Variants in RAPGEF6 observed in about 807,000 individuals in gnomAD.
RAPGEF6 encodes Rap guanine nucleotide exchange factor 6.
In RAPGEF6, 56 loss-of-function variants were observed where a neutral mutation model predicts 171.4. The observed-to-expected ratio is 0.33, with a 90% CI of 0.26 to 0.41. The LOEUF is 0.41. Ranked by LOEUF, RAPGEF6 falls within the 10% of genes least tolerant of loss-of-function variation. The pLI, the probability that RAPGEF6 is intolerant of heterozygous loss-of-function variation, is 1.00. For missense variants in RAPGEF6, 1,674 were observed against 1,921.4 expected, an observed-to-expected ratio of 0.87 and a Z score of 2.41; for synonymous variants, 692 against 650.1, an observed-to-expected ratio of 1.06 and a Z score of -0.98.
chr5:131,441,321 G>A (rs1000496035), intron 23 of RAPGEF6, among the ~76,000 whole-genome samples: 1 of 152,216 alleles, frequency 6.6e-6, no homozygotes, highest in Non-Finnish European at 1.5e-5. Flanking sequence ...CCTGGCACCA[G>A]TAAGTGCTCT....
intron 24 of RAPGEF6, chr5:131,436,482 G>GA (rs1752013716): frequency 9.2e-7 from 1 of 1,083,974 alleles, no homozygotes; most frequent in Admixed American, 3.0e-5. Flanking sequence ...GATAATATCT[G>GA]AAAAATTGAA....
intron 15 of RAPGEF6, among the ~76,000 whole-genome samples, chr5:131,483,634 T>C (rs1156850037): frequency 2.0e-5 from 3 of 152,160 alleles, no homozygotes; most frequent in African/African-American, 7.2e-5. Flanking sequence ...CACATATGTA[T>C]ATATGCGTTC....
At chr5:131,440,128 T>C (rs1225050407) in intron 23 of RAPGEF6, 1 of 435,204 alleles carries the variant, frequency 2.3e-6, no homozygotes, top group African/African-American at 2.0e-5. Context: ...AGTGTGGGGA[T>C]GTTGGCACTG....
At chr5:131,500,539 G>A (rs184575721) in intron 11 of RAPGEF6, among the ~76,000 whole-genome samples, 2 of 152,242 alleles carry the variant, frequency 1.3e-5, no homozygotes, top group Admixed American at 6.5e-5. Flanking sequence ...TACCTCTTTA[G>A]ACTAAAATCT....
At chr5:131,507,214 A>C (rs1371142679) in intron 9 of RAPGEF6, among the ~76,000 whole-genome samples, 3 of 148,102 alleles carry the variant, frequency 2.0e-5, no homozygotes, top group Non-Finnish European at 3.0e-5. Context: ...ATTATATATA[A>C]CTTACTTATA....
intron 1 of RAPGEF6, among the ~76,000 whole-genome samples, chr5:131,634,532 CT>C (rs917843033): frequency 6.6e-5 from 10 of 151,986 alleles, no homozygotes; most frequent in African/African-American, 1.7e-4. Flanking sequence ...AAAACTTTAT[CT>C]TTTTTTTAGG....
intron 24 of RAPGEF6, among the ~76,000 whole-genome samples, chr5:131,436,885 A>G (rs1752044009): frequency 2.0e-5 from 3 of 152,238 alleles, no homozygotes; most frequent in Admixed American, 2.0e-4. Context: ...TTTCTTAAAC[A>G]CTAGGGTAGA....
chr5:131,528,321 A>ATATTTATATTT (rs1561538322), intron 6 of RAPGEF6, among the ~76,000 whole-genome samples: 1 of 54,386 alleles, frequency 1.8e-5, no homozygotes, highest in Admixed American at 2.3e-4. Flanking sequence ...TATTATATAT[A>ATATTTATATTT]TATATATATA....
intron 1 of RAPGEF6, among the ~76,000 whole-genome samples, chr5:131,634,593 A>T (rs541217087): frequency 1.3e-4 from 20 of 152,366 alleles, no homozygotes; most frequent in African/African-American, 4.8e-4. Context: ...TTTCTAAATT[A>T]CATGGCTGAG....
chr5:131,438,718 C>T (rs1311846036), intron 24 of RAPGEF6, among the ~76,000 whole-genome samples: 1 of 152,146 alleles, frequency 6.6e-6, no homozygotes, highest in Non-Finnish European at 1.5e-5. Context: ...AAAAGAAATG[C>T]TCCAGTCTGA....
At chr5:131,430,382 G>T (rs1751623341) in intron 26 of RAPGEF6, among the ~76,000 whole-genome samples, 1 of 152,100 alleles carries the variant, frequency 6.6e-6, no homozygotes, top group Admixed American at 6.6e-5. Context: ...GCACACTCAT[G>T]ATGTACACCA....
Position 131,464,152 on chromosome 5 carries a change from G to T in RAPGEF6, c.2369C>A (p.Ser790Tyr), listed in dbSNP as rs892796766. Residue 790 changes from serine to tyrosine, a missense_variant, in exon 18 of 28, where the codon TCC becomes TAC. Physicochemically the swap from Ser to Tyr is moderately radical, Grantham distance 144. This residue lies in a region of RAPGEF6 where 1,116 missense variants were observed against 1,321.5 expected (regional missense o/e 0.84). Coordinates refer to ENST00000509018, the MANE Select transcript of RAPGEF6 (RefSeq NM_016340.6). Reference sequence around the variant, plus strand: ...AACTTCACAGAGAGAATATGTGTCGGATGCACCGGTCAAACCAAATTCATG... The same window carrying T: ...AACTTCACAGAGAGAATATGTGTCGTATGCACCGGTCAAACCAAATTCATG... ...AVHEFGLTGASDTYSLCEVSV... is the reference protein window; with the variant it reads ...AVHEFGLTGAYDTYSLCEVSV... 1.2e-5 allele frequency: 19 copies of T among 1,613,864 alleles called. No homozygotes were observed. Among genetic ancestry groups the T allele is most frequent in the Non-Finnish European group, 1.4e-5 (17 of 1,179,956 alleles).
chr5:131,533,330 C>A lies in RAPGEF6; in HGVS notation c.496-11809G>T, dbSNP rs377087771. Among the ~76,000 whole-genome samples the A allele has an allele frequency of 4.3e-3, 657 of 152,116 alleles. 11 individuals carry two copies. The highest frequency in any genetic ancestry group is 0.015 in the African/African-American group (640 of 41,520). ...ATCCATTTTGATTTTTAATTCTGTACATTGATACACAGCTATATTTGGGAA... is the reference window on the plus strand; with the variant it reads ...ATCCATTTTGATTTTTAATTCTGTAAATTGATACACAGCTATATTTGGGAA... On this transcript the variant is annotated intron_variant, in intron 6 of 27. Transcript: ENST00000509018.
At chr5:131,520,459 T>C (rs1392964589) in intron 7 of RAPGEF6, among the ~76,000 whole-genome samples, 2 of 152,212 alleles carry the variant, frequency 1.3e-5, no homozygotes, top group African/African-American at 2.4e-5. Context: ...ATTACTAAAA[T>C]GAATTTTACC....
At chr5:131,478,535 A>G (rs61483560) in intron 16 of RAPGEF6, among the ~76,000 whole-genome samples, 4,416 of 152,312 alleles carry the variant, frequency 0.029, 225 homozygotes, top group African/African-American at 0.099. Context: ...TTACATATAC[A>G]GAAACACAAT....
At chr5:131,504,937 G>GT (rs1757269550) in intron 10 of RAPGEF6, among the ~76,000 whole-genome samples, 159 bp from the exon 11 acceptor site, 1 of 152,080 alleles carries the variant, frequency 6.6e-6, no homozygotes, top group Admixed American at 6.6e-5. Context: ...AACAATTCAC[G>GT]TATGAAGAGA....
At chr5:131,574,413 G>GT (rs1306839173) in intron 4 of RAPGEF6, among the ~76,000 whole-genome samples, 4 of 152,086 alleles carry the variant, frequency 2.6e-5, no homozygotes, top group Non-Finnish European at 5.9e-5. Context: ...ACAGTGGAGG[G>GT]TAAGTCCATT....
At chr5:131,569,725 TG>T (rs1219997135) in intron 4 of RAPGEF6, among the ~76,000 whole-genome samples, 1 of 152,134 alleles carries the variant, frequency 6.6e-6, no homozygotes, top group Non-Finnish European at 1.5e-5. Context: ...TAAAGTTTTA[TG>T]CTTCAAAAGA....
rs1013415406 is a variant in RAPGEF6, at chr5:131,425,592, G to T, written c.*1674C>A. 7 of 152,270 alleles carry T rather than the reference G, an allele frequency of 4.6e-5. No individual in the cohort carries two copies. The highest frequency in any genetic ancestry group is 1.7e-4 in the African/African-American group (7 of 41,426). The allele number at this position is 152,270 out of a possible 1,614,324, so 9.4% of individuals were successfully genotyped here. A position where few individuals can be genotyped will look rare whatever the true frequency, so the allele number is the denominator to read the frequency against. On this transcript the variant is annotated 3_prime_UTR_variant, in exon 28 of 28. Transcript: ENST00000509018. ...TCTAAGGCTTAAGTTTCAGATTAAT[G>T]TTTCTTTACCACAGGAATTTTTGAA... is the stretch of plus-strand genomic sequence containing the variant.
Sources: gnomAD v4.1 joint callset for allele counts (sites outside exome capture counted in the v4.1 genomes callset) on GRCh38, gnomAD v4.1.1 for gene constraint, gnomAD v4.1.1 regional missense constraint, MANE v1.5 for transcripts, NCBI Gene and HGNC (gene_info 2026-07-23, HGNC 2026-07-21) for gene names.